Variants in IL1R1 observed in about 807,000 individuals in gnomAD.
The protein encoded by IL1R1 is interleukin 1 receptor type 1.
A neutral mutation model predicts 50.2 loss-of-function variants in IL1R1; 22 were observed. The observed-to-expected ratio is 0.44, with a 90% confidence interval of 0.31 to 0.63. The LOEUF is 0.63. IL1R1 is among the 20% of genes least tolerant of loss of function. The pLI, the probability that IL1R1 is intolerant of heterozygous loss-of-function variation, is 0.07. For synonymous variants in IL1R1, 251 were observed against 236.7 expected (o/e 1.06, Z -0.55); for missense variants, 509 against 676.2 (o/e 0.75, Z 2.74).
chr2:102,101,312 A>G (rs773645773), upstream of IL1R1, among the ~76,000 whole-genome samples: 4 of 152,238 alleles, frequency 2.6e-5, no homozygotes, highest in Non-Finnish European at 4.4e-5. Context: ...CCAAAGATAC[A>G]TAGATGAAGT....
chr2:102,116,995 T>C (rs1681112521), intron 1 of IL1R1, among the ~76,000 whole-genome samples: 1 of 152,186 alleles, frequency 6.6e-6, no homozygotes, highest in South Asian at 2.1e-4. Flanking sequence ...AAAATGACTT[T>C]TATAATAAAA....
At chr2:102,174,775 G>A (rs202104106) in intron 10 of IL1R1, 45 bp downstream of exon 10, 15 of 1,512,340 alleles carry the variant, frequency 9.9e-6, no homozygotes, top group Admixed American at 3.9e-5. Context: ...GGAGATAAGG[G>A]ATAGTTAGGA....
chr2:102,140,355 AG>A (rs532693572), upstream of IL1R1, among the ~76,000 whole-genome samples: 63 of 152,310 alleles, frequency 4.1e-4, no homozygotes, highest in Non-Finnish European at 6.0e-4. Flanking sequence ...CTTCCCAAAG[AG>A]GGTCCTGGGA....
chr2:102,080,360 C>A (rs1272781881), intron 1 of IL1R1, among the ~76,000 whole-genome samples: 3 of 152,014 alleles, frequency 2.0e-5, no homozygotes, highest in African/African-American at 7.2e-5. Context: ...ATAATATGCA[C>A]AAATCTCTGA....
rs147343975 is a variant in IL1R1, at chr2:102,109,276, C to A, written c.-84+4404C>A. Reference sequence around the variant, plus strand: ...TTGTGCTGTTTATTTGGGTATATGACTACCATTTATTGAGTCACCTACTAA... The same window carrying A: ...TTGTGCTGTTTATTTGGGTATATGAATACCATTTATTGAGTCACCTACTAA... On this transcript the variant is annotated intron_variant, in intron 1 of 10. Coordinates refer to the IL1R1 transcript ENST00000409329. 3.9e-5 allele frequency among the ~76,000 whole-genome samples: 6 copies of A among 152,228 alleles called. 1 individual carries two copies. The highest frequency in any genetic ancestry group is 1.4e-4 in the African/African-American group (6 of 41,534).
In IL1R1 at chr2:102,127,518, C is replaced by T. The variant is rs146975465; in HGVS notation, c.-84+22646C>T. Among the ~76,000 whole-genome samples, 74 of 152,222 alleles carry T rather than the reference C, an allele frequency of 4.9e-4. 1 individual carries two copies. Among genetic ancestry groups the T allele is most frequent in the African/African-American group, 1.8e-3 (73 of 41,536 alleles). Reference sequence around the variant, plus strand: ...TGTATAAAACAGACCAAAACCTACCCTCATGAAGCTTACATTCTAGAGGGG... The same window carrying T: ...TGTATAAAACAGACCAAAACCTACCTTCATGAAGCTTACATTCTAGAGGGG... On this transcript the variant is annotated intron_variant, in intron 1 of 10. Coordinates refer to the IL1R1 transcript ENST00000409329.
intron 1 of IL1R1, among the ~76,000 whole-genome samples, chr2:102,148,543 G>A (rs529272959): frequency 8.3e-4 from 127 of 152,292 alleles, no homozygotes; most frequent in Non-Finnish European, 1.4e-3. Flanking sequence ...GTCTTAGATC[G>A]TGGAGATTTT....
At chr2:102,113,706 G>C (rs1236212938) in intron 1 of IL1R1, among the ~76,000 whole-genome samples, 1 of 152,114 alleles carries the variant, frequency 6.6e-6, no homozygotes, top group Non-Finnish European at 1.5e-5. Flanking sequence ...AATGACGCTC[G>C]GCCTCCTTGC....
intron 6 of IL1R1, among the ~76,000 whole-genome samples, chr2:102,167,889 A>G (rs548606161): frequency 1.3e-5 from 2 of 152,260 alleles, no homozygotes; most frequent in African/African-American, 4.8e-5. Context: ...TGTTCACTCA[A>G]GGATTCAAAA....
rs1685773268 is a variant in IL1R1 at position 102,172,463 on chromosome 2, T to A, written c.840-224T>A. The A allele has an allele frequency of 3.1e-6, 3 of 977,936 alleles. No homozygotes were observed. In the African/African-American group the frequency reaches 5.2e-5, roughly 17 times the overall value. 60.6% of individuals were successfully genotyped at this position (977,936 alleles called of 1,614,324 possible). A position where few individuals can be genotyped will look rare whatever the true frequency, so the allele number is the denominator to read the frequency against. On this transcript the variant is annotated intron_variant, in intron 8 of 11. Coordinates refer to ENST00000410023, the MANE Select transcript of IL1R1 (RefSeq NM_000877.4). ...ATTTTTCTTCTTGGAAGTGGTAATT[T>A]TTTTGCTTTCTCTGCTACTGAGCCT...
rs1685322960 is a variant in IL1R1, at chr2:102,167,736, C to T, written c.656-862C>T. 2.0e-5 allele frequency among the ~76,000 whole-genome samples: 3 copies of T among 152,108 alleles called. No individual in the cohort carries two copies. The South Asian group carries it at 6.2e-4, about 32-fold the overall frequency. On this transcript the variant is annotated intron_variant, in intron 6 of 11. Coordinates refer to ENST00000410023, the MANE Select transcript of IL1R1 (RefSeq NM_000877.4). ...GTGCTGGGATTACAGGTGTGAGCCACCGCGCCCGGCCAGGTTAAGTGTGTT... is the reference window on the plus strand; with the variant it reads ...GTGCTGGGATTACAGGTGTGAGCCATCGCGCCCGGCCAGGTTAAGTGTGTT...
chr2:102,078,771 C>T (rs1253703608), intron 1 of IL1R1, among the ~76,000 whole-genome samples: 1 of 152,024 alleles, frequency 6.6e-6, no homozygotes, highest in Non-Finnish European at 1.5e-5. Context: ...GTACCAACAC[C>T]AGATGAAAAC....
rs770218225 is a variant in IL1R1, at chr2:102,172,669, ACT to A, written c.840-8_840-7del. Reference sequence around the variant, plus strand: ...GCAATTAACTTACACAAGTTTATTTACTCTCTCTCTCGAATAGTGTGGAAAAT... The same window carrying A: ...GCAATTAACTTACACAAGTTTATTTACTCTCTCTCGAATAGTGTGGAAAAT... On this transcript the variant is annotated splice_polypyrimidine_tract_variant and intron_variant, in intron 8 of 11. Coordinates refer to ENST00000410023, the MANE Select transcript of IL1R1 (RefSeq NM_000877.4). The A allele has an allele frequency of 1.8e-5, 28 of 1,579,072 alleles. No individual in the cohort carries two copies. Among genetic ancestry groups the A allele is most frequent in the South Asian group, 5.8e-5 (5 of 86,922 alleles).
chr2:102,101,966 T>TGTGTGTGGGTGCGTGTGGGTGC (rs1462738407), upstream of IL1R1, among the ~76,000 whole-genome samples: 2 of 151,842 alleles, frequency 1.3e-5, no homozygotes, highest in African/African-American at 4.8e-5. Flanking sequence ...GGCAAAAGCG[T>TGTGTGTGGGTGCGTGTGGGTGC]GTGTGTGGGT....
chr2:102,166,439 A>C (rs1685190220), intron 6 of IL1R1, among the ~76,000 whole-genome samples, 158 bp downstream of exon 6: 1 of 152,172 alleles, frequency 6.6e-6, no homozygotes, highest in Non-Finnish European at 1.5e-5. Context: ...TTTGTTACTA[A>C]ATACTATGTA....
At chr2:102,142,676 C>A (rs1278158026), upstream of IL1R1, 1 of 151,778 alleles carries the variant, frequency 6.6e-6, no homozygotes, top group Non-Finnish European at 1.5e-5. Flanking sequence ...CGCGGACTGG[C>A]CCAGCCGAGC....
At position 102,075,792 on chromosome 2, in the gene IL1R1, T is replaced by C. The variant is rs114047902; in HGVS notation, c.-84+5259T>C. On this transcript the variant is annotated intron_variant, in intron 1 of 11. Transcript: ENST00000409929. ...ACAGGTTAAAGACAGAAGATTTCAC[T>C]GGGAGTGGCTATGAGGAGCCATTTA... Among the ~76,000 whole-genome samples the C allele has an allele frequency of 9.5e-3, 1,450 of 152,338 alleles. 11 individuals are homozygous for C. Among genetic ancestry groups the C allele is most frequent in the African/African-American group, 0.025 (1,051 of 41,564 alleles).
chr2:102,143,397 G>A (rs1485191851), intron 1 of IL1R1, among the ~76,000 whole-genome samples: 1 of 152,188 alleles, frequency 6.6e-6, no homozygotes, highest in African/African-American at 2.4e-5. Flanking sequence ...GGTAAGGGCT[G>A]AGGCCTTAAC....
chr2:102,103,749 C>T (rs1041807080), upstream of IL1R1, among the ~76,000 whole-genome samples: 12 of 152,094 alleles, frequency 7.9e-5, no homozygotes, highest in African/African-American at 2.9e-4. Context: ...AACCCCAGCA[C>T]TTTGGGAGGC....
Sources: allele counts gnomAD v4.1 joint callset (sites outside exome capture counted in the v4.1 genomes callset), GRCh38; gene constraint gnomAD v4.1.1; transcripts MANE v1.5; gene names NCBI Gene and HGNC (gene_info 2026-07-23, HGNC 2026-07-21).